SMAD2: variants seen among roughly 807,000 people sequenced by gnomAD.
SMAD2 encodes the protein MAD homolog 2.
A neutral mutation model predicts 64.4 loss-of-function variants in SMAD2; 8 were observed. The ratio of observed to expected loss-of-function variants is 0.12; its 90% confidence interval spans 0.07 to 0.22. SMAD2 has a LOEUF of 0.22. SMAD2 is among the 10% of genes least tolerant of loss of function. The probability of loss-of-function intolerance (pLI) is 1.00; values close to 1 mark genes in which losing one functional copy is unlikely to be tolerated. For synonymous variants in SMAD2, 203 were observed against 195.8 expected, an observed-to-expected ratio of 1.04 and a Z score of -0.31; for missense variants, 289 against 561.2, an observed-to-expected ratio of 0.51 and a Z score of 4.90.
intron 1 of SMAD2, among the ~76,000 whole-genome samples, chr18:47,905,484 C>A (rs1408207687): frequency 6.6e-6 from 1 of 151,088 alleles, no homozygotes. Flanking sequence ...AATAACCAAA[C>A]CATTCTTGAA....
At chr18:47,920,986 C>G (rs147404915) in intron 1 of SMAD2, among the ~76,000 whole-genome samples, 128 of 152,280 alleles carry the variant, frequency 8.4e-4, no homozygotes, top group African/African-American at 3.0e-3. Flanking sequence ...GAAACCCCAC[C>G]TCTACAAAAA....
intron 1 of SMAD2, among the ~76,000 whole-genome samples, chr18:47,927,292 TAC>T (rs1369885918): frequency 3.5e-5 from 5 of 143,164 alleles, no homozygotes; most frequent in African/African-American, 5.4e-5. Context: ...CCCCCCAAAA[TAC>T]ACAGATTGTT....
Position 47,830,120 on chromosome 18 carries a change from T to C in SMAD2, c.*11707A>G, listed in dbSNP as rs1487498455. 6.6e-6 allele frequency: 1 copy of C among 152,262 alleles called. No homozygotes were observed. Among genetic ancestry groups the C allele is most frequent in the African/African-American group, 2.4e-5 (1 of 41,478 alleles). 9.4% of individuals were successfully genotyped at this position (152,262 alleles called of 1,614,324 possible). Reference sequence around the variant, plus strand: ...GTTTGTGATTGACGATGTACATTTTTAAATGTGGTGATAACACGTTATTAT... The same window carrying C: ...GTTTGTGATTGACGATGTACATTTTCAAATGTGGTGATAACACGTTATTAT... On this transcript the variant is annotated 3_prime_UTR_variant, in exon 11 of 11. Coordinates refer to ENST00000262160, the MANE Select transcript of SMAD2 (RefSeq NM_005901.6).
At position 47,919,469 on chromosome 18, in the gene SMAD2, T is replaced by TACAC. The variant is rs66523523; in HGVS notation, c.-54+10888_-54+10891dup. Among the ~76,000 whole-genome samples the TACAC allele has an allele frequency of 7.5e-3, 980 of 129,918 alleles. 19 individuals are homozygous for TACAC. Among genetic ancestry groups the TACAC allele is most frequent in the African/African-American group, 0.026 (882 of 33,452 alleles). 85.2% of individuals were successfully genotyped at this position (129,918 alleles called of 152,430 possible). On this transcript the variant is annotated intron_variant, in intron 1 of 10. Transcript: ENST00000262160. The stretch of plus-strand genomic sequence containing the variant: ...TGTGACCTTGTCTCAAAAAAAAAAA[T>TACAC]ACACACACACACACACACACACACA...
chr18:47,845,558 GT>G, intron 9 of SMAD2, 74 bp from the exon 10 acceptor site: 1 of 1,574,102 alleles, frequency 6.4e-7, no homozygotes, highest in South Asian at 1.1e-5. Flanking sequence ...AGGGTTACAA[GT>G]TTTAGAATAT....
chr18:47,841,340 A>G lies in SMAD2; in HGVS notation c.*487T>C, dbSNP rs2298817. The G allele has an allele frequency of 4.2e-6, 1 of 238,672 alleles. No individual in the cohort carries two copies. The highest frequency in any genetic ancestry group is 2.2e-5 in the African/African-American group (1 of 45,300). The allele number at this position is 238,672 out of a possible 1,614,324, so 14.8% of individuals were successfully genotyped here. On this transcript the variant is annotated 3_prime_UTR_variant, in exon 11 of 11. Coordinates refer to ENST00000262160, the MANE Select transcript of SMAD2 (RefSeq NM_005901.6). ...AAATAATTTGAAAATCTTGATATAT[A>G]TTATATATTAAAAAAGACACACAAA... is the stretch of plus-strand genomic sequence containing the variant.
intron 2 of SMAD2, among the ~76,000 whole-genome samples, chr18:47,879,189 C>T (rs1169081279): frequency 3.9e-5 from 6 of 152,272 alleles, no homozygotes; most frequent in South Asian, 2.1e-4. Context: ...AACTAGAGTT[C>T]GCTGTTCTTT....
chr18:47,906,280 C>A (rs1314940467), intron 1 of SMAD2, among the ~76,000 whole-genome samples: 1 of 152,084 alleles, frequency 6.6e-6, no homozygotes, highest in African/African-American at 2.4e-5. Context: ...TGCAAATATT[C>A]TAAAAATTGG....
At chr18:47,906,525 T>C (rs2033910504) in intron 1 of SMAD2, among the ~76,000 whole-genome samples, 1 of 152,202 alleles carries the variant, frequency 6.6e-6, no homozygotes, top group African/African-American at 2.4e-5. Flanking sequence ...CAATACCATT[T>C]CACACCATCT....
At chr18:47,851,782 C>T (rs1787191) in intron 6 of SMAD2, among the ~76,000 whole-genome samples, 152,069 of 152,310 alleles carry the variant, frequency 1, 75,914 homozygotes, top group Non-Finnish European at 1. Context: ...CGCGATCCCA[C>T]ATTGATGGAT....
intron 6 of SMAD2, among the ~76,000 whole-genome samples, chr18:47,854,221 G>C (rs2030441152): frequency 6.6e-6 from 1 of 152,120 alleles, no homozygotes; most frequent in Non-Finnish European, 1.5e-5. Context: ...TTGAGATCCA[G>C]TGTGAATTAG....
intron 1 of SMAD2, among the ~76,000 whole-genome samples, chr18:47,906,051 G>A (rs2033889384): frequency 6.6e-6 from 1 of 151,840 alleles, no homozygotes; most frequent in Non-Finnish European, 1.5e-5. Flanking sequence ...GGGTGCGGAG[G>A]CTGCAGTGAG....
At chr18:47,912,796 T>C (rs1274126118) in intron 1 of SMAD2, among the ~76,000 whole-genome samples, 1 of 147,556 alleles carries the variant, frequency 6.8e-6, no homozygotes, top group Non-Finnish European at 1.5e-5. Context: ...TTGGTTCAAT[T>C]ATTCCATTCA....
intron 1 of SMAD2, among the ~76,000 whole-genome samples, chr18:47,919,048 G>A (rs2034450072): frequency 6.6e-6 from 1 of 151,974 alleles, no homozygotes; most frequent in African/African-American, 2.4e-5. Context: ...AGCAAAACCA[G>A]AATGCCAAAG....
chr18:47,841,957 A>G lies in SMAD2; in HGVS notation c.1281-7T>C, dbSNP rs1913992378. 6.2e-7 allele frequency: 1 copy of G among 1,613,992 alleles called. No individual in the cohort carries two copies. Among genetic ancestry groups the G allele is most frequent in the Non-Finnish European group, 8.5e-7 (1 of 1,179,976 alleles). ...ACTTGTTACCGTCTGCCTTCTGTTT[A>G]AAAGAATACAGGAAAATGATTATGA... On this transcript the variant is annotated splice_polypyrimidine_tract_variant and splice_region_variant and intron_variant, in intron 10 of 10. Coordinates refer to ENST00000262160, the MANE Select transcript of SMAD2 (RefSeq NM_005901.6).
intron 1 of SMAD2, among the ~76,000 whole-genome samples, chr18:47,902,015 T>C (rs901348833): frequency 2.0e-5 from 3 of 152,144 alleles, no homozygotes; most frequent in South Asian, 2.1e-4. Context: ...CTCAACACCA[T>C]AGGACTAGAA....
In SMAD2 at chr18:47,831,713, C is replaced by T. The variant is rs1307773595; in HGVS notation, c.*10114G>A. ...TGCTAAGTCTGATTCAATGTTCTTG[C>T]CTTCTATTAATGTGATTTTAAGAAT... On this transcript the variant is annotated 3_prime_UTR_variant, in exon 11 of 11. Coordinates refer to ENST00000262160, the MANE Select transcript of SMAD2 (RefSeq NM_005901.6). 1 of 152,168 alleles carries T rather than the reference C, an allele frequency of 6.6e-6. No individual in the cohort carries two copies. Among genetic ancestry groups the T allele is most frequent in the Non-Finnish European group, 1.5e-5 (1 of 68,032 alleles). The allele number at this position is 152,168 out of a possible 1,614,324, so 9.4% of individuals were successfully genotyped here. A position where few individuals can be genotyped will look rare whatever the true frequency, so the allele number is the denominator to read the frequency against.
At chr18:47,846,806 AC>A (rs1355284167) in intron 8 of SMAD2, among the ~76,000 whole-genome samples, 1 of 152,132 alleles carries the variant, frequency 6.6e-6, no homozygotes, top group African/African-American at 2.4e-5. Flanking sequence ...TGGACTCCTG[AC>A]CCACAGAAAC....
chr18:47,868,255 A>C, intron 5 of SMAD2, 68 bp downstream of exon 5: 3 of 1,364,712 alleles, frequency 2.2e-6, no homozygotes, highest in Non-Finnish European at 3.1e-6. Flanking sequence ...CAATTTACTA[A>C]AACTTGAATG....
Sources: gnomAD v4.1 joint callset for allele counts (sites outside exome capture counted in the v4.1 genomes callset) on GRCh38, gnomAD v4.1.1 for gene constraint, MANE v1.5 for transcripts, NCBI Gene and HGNC (gene_info 2026-07-23, HGNC 2026-07-21) for gene names.